FAM117B: variants seen among roughly 807,000 people sequenced by gnomAD.
The protein encoded by FAM117B is family with sequence similarity 117 member B.
FAM117B carries 22 observed loss-of-function variants against 52.8 expected under a neutral mutation model. The ratio of observed to expected loss-of-function variants is 0.42; its 90% CI spans 0.30 to 0.59. The LOEUF is 0.59. FAM117B is among the 20% of genes least tolerant of loss of function. FAM117B has a pLI of 0.22. For missense variants in FAM117B, 678 were observed against 802.6 expected, an observed-to-expected ratio of 0.84 and a Z score of 1.88; for synonymous variants, 309 against 324.1, an observed-to-expected ratio of 0.95 and a Z score of 0.50.
At chr2:202,674,579 A>T (rs750769394) in intron 1 of FAM117B, among the ~76,000 whole-genome samples, 46 of 152,238 alleles carry the variant, frequency 3.0e-4, no homozygotes, top group Non-Finnish European at 5.6e-4. Flanking sequence ...GGTACTACCA[A>T]CGTCTTGAGT....
At chr2:202,744,939 T>C (rs1427676657) in intron 4 of FAM117B, among the ~76,000 whole-genome samples, 1 of 126,180 alleles carries the variant, frequency 7.9e-6, no homozygotes, top group Non-Finnish European at 1.6e-5. Flanking sequence ...ATTGCGCCAC[T>C]GCACTCCAGC....
intron 1 of FAM117B, among the ~76,000 whole-genome samples, chr2:202,637,172 C>T (rs918404116): frequency 3.3e-5 from 5 of 152,222 alleles, no homozygotes; most frequent in Non-Finnish European, 5.9e-5. Flanking sequence ...GCTGGGATTA[C>T]AGGCATGCGC....
intron 1 of FAM117B, among the ~76,000 whole-genome samples, chr2:202,694,086 AATT>A (rs1690672569): frequency 1.3e-5 from 2 of 152,086 alleles, no homozygotes; most frequent in Non-Finnish European, 2.9e-5. Flanking sequence ...TTTATTTTCC[AATT>A]ATTAAATCAT....
intron 4 of FAM117B, among the ~76,000 whole-genome samples, chr2:202,746,987 A>G (rs1478518376): frequency 4.0e-5 from 6 of 151,772 alleles, no homozygotes; most frequent in Admixed American, 3.3e-4. Flanking sequence ...AAAACCCACT[A>G]TGGGCCAGTA....
At chr2:202,686,472 A>G (rs1471090435) in intron 1 of FAM117B, among the ~76,000 whole-genome samples, 1 of 152,180 alleles carries the variant, frequency 6.6e-6, no homozygotes, top group African/African-American at 2.4e-5. Flanking sequence ...TTCGTATATG[A>G]CTTATTCCTA....
intron 4 of FAM117B, among the ~76,000 whole-genome samples, chr2:202,746,948 G>GA (rs113632968): frequency 1.3e-4 from 18 of 143,700 alleles, no homozygotes; most frequent in African/African-American, 2.1e-4. Context: ...GCCACCACCG[G>GA]AAAAAAAAAC....
intron 4 of FAM117B, among the ~76,000 whole-genome samples, chr2:202,732,127 G>A (rs1691361919): frequency 6.6e-6 from 1 of 151,686 alleles, no homozygotes. Flanking sequence ...CTGGCCTCAG[G>A]TGATCCACCT....
chr2:202,636,273 T>C (rs1689685484), intron 1 of FAM117B, among the ~76,000 whole-genome samples: 1 of 152,264 alleles, frequency 6.6e-6, no homozygotes, highest in Non-Finnish European at 1.5e-5. Flanking sequence ...GCATTAGCAG[T>C]GGCAGATTTG....
At chr2:202,639,643 T>A (rs934427995) in intron 1 of FAM117B, among the ~76,000 whole-genome samples, 4 of 152,228 alleles carry the variant, frequency 2.6e-5, no homozygotes, top group Admixed American at 1.3e-4. Context: ...AATACCTGTG[T>A]TCTGCCAACT....
At chr2:202,730,843 A>G (rs773996069) in intron 4 of FAM117B, among the ~76,000 whole-genome samples, 4 of 152,226 alleles carry the variant, frequency 2.6e-5, no homozygotes, top group Non-Finnish European at 5.9e-5. Flanking sequence ...GCGTTAGGCA[A>G]TGGCTTCTTA....
intron 1 of FAM117B, among the ~76,000 whole-genome samples, chr2:202,652,421 G>A (rs1389859557): frequency 2.0e-5 from 3 of 152,122 alleles, no homozygotes; most frequent in East Asian, 1.9e-4. Flanking sequence ...TTTAGAACCC[G>A]TGCTCACTTT....
At chr2:202,646,634 A>G (rs758144300) in intron 1 of FAM117B, among the ~76,000 whole-genome samples, 25 of 152,150 alleles carry the variant, frequency 1.6e-4, no homozygotes, top group Non-Finnish European at 3.2e-4. Context: ...GGAAGTTGAG[A>G]TATATTGCTC....
chr2:202,763,743 T>C (rs987097616), intron 7 of FAM117B, among the ~76,000 whole-genome samples: 5 of 152,210 alleles, frequency 3.3e-5, no homozygotes, highest in African/African-American at 1.2e-4. Flanking sequence ...TTTTTCTTTG[T>C]TCTTAATTGT....
intron 1 of FAM117B, among the ~76,000 whole-genome samples, chr2:202,637,356 C>G (rs1465078190): frequency 1.3e-5 from 2 of 151,906 alleles, no homozygotes; most frequent in Admixed American, 6.6e-5. Flanking sequence ...CTCCTGGGTT[C>G]AAGCGATTCT....
intron 3 of FAM117B, 37 bp downstream of exon 3, chr2:202,725,046 T>C (rs375145137): frequency 4.6e-5 from 70 of 1,505,942 alleles, no homozygotes; most frequent in Non-Finnish European, 6.0e-5. Context: ...GGTGTGGAAA[T>C]ATGATCCTTT....
intron 4 of FAM117B, among the ~76,000 whole-genome samples, chr2:202,748,334 G>C (rs1025867291): frequency 1.3e-5 from 2 of 152,050 alleles, no homozygotes; most frequent in African/African-American, 4.8e-5. Flanking sequence ...ACTCCTGGAA[G>C]AAAACATAGG....
At chr2:202,736,377 T>C (rs1424349267) in intron 4 of FAM117B, among the ~76,000 whole-genome samples, 1 of 151,744 alleles carries the variant, frequency 6.6e-6, no homozygotes, top group Admixed American at 6.5e-5. Flanking sequence ...ATATTAAGAA[T>C]GAAGGCCACA....
chr2:202,747,466 AC>A (rs1299681725), intron 4 of FAM117B, among the ~76,000 whole-genome samples: 1 of 152,172 alleles, frequency 6.6e-6, no homozygotes, highest in Non-Finnish European at 1.5e-5. Flanking sequence ...AAACTGGAAG[AC>A]AGAAAGTCAA....
intron 1 of FAM117B, among the ~76,000 whole-genome samples, chr2:202,654,583 G>A (rs1471357654): frequency 6.6e-6 from 1 of 151,154 alleles, no homozygotes; most frequent in Non-Finnish European, 1.5e-5. Flanking sequence ...ATACTCTTCT[G>A]TATCGATTAA....
Sources: gnomAD v4.1 joint callset for allele counts (sites outside exome capture counted in the v4.1 genomes callset) on GRCh38, gnomAD v4.1.1 for gene constraint, MANE v1.5 for transcripts, NCBI Gene and HGNC (gene_info 2026-07-23, HGNC 2026-07-21) for gene names.